MYZAP: variants seen among roughly 807,000 people sequenced by gnomAD.
The protein encoded by MYZAP is myocardial zonula adherens protein.
MYZAP carries 66 observed loss-of-function variants against 69.4 expected under a neutral mutation model. The ratio of observed to expected loss-of-function variants is 0.95; its 90% confidence interval spans 0.78 to 1.17. The LOEUF (loss-of-function observed/expected upper bound fraction) is 1.17. Ranked by LOEUF, MYZAP falls within the 50% of genes most tolerant of loss-of-function variation. The pLI, the probability that MYZAP is intolerant of heterozygous loss-of-function variation, is 0.00. For synonymous variants in MYZAP, 256 were observed against 205.9 expected, an observed-to-expected ratio of 1.24 and a Z score of -2.09; for missense variants, 611 against 556.2, an observed-to-expected ratio of 1.10 and a Z score of -0.99.
intron 2 of MYZAP, among the ~76,000 whole-genome samples, chr15:57,607,556 C>A (rs2034832970): frequency 6.6e-6 from 1 of 152,286 alleles, no homozygotes; most frequent in African/African-American, 2.4e-5. Flanking sequence ...CTCCCTTTAC[C>A]CCTCAGCCCC....
intron 1 of MYZAP, among the ~76,000 whole-genome samples, chr15:57,593,010 A>C (rs909539077): frequency 1.3e-5 from 2 of 152,148 alleles, no homozygotes; most frequent in Admixed American, 6.5e-5. Flanking sequence ...GTCTGCGTGC[A>C]GGCTTGGACC....
At position 57,604,294 on chromosome 15, in the gene MYZAP, C is replaced by T. The variant is rs140163703; in HGVS notation, c.101C>T (p.Thr34Ile). The change falls in exon 2 of 13, where the codon ACC becomes ATC. Residue 34 changes from threonine to isoleucine, a missense_variant. Transcript: ENST00000267853. ...GCAAATGTTTGCAGACTACGGCTGACCGTACCTCCTGAGAGTCCAGTTCCT... is the reference window on the plus strand; with the variant it reads ...GCAAATGTTTGCAGACTACGGCTGATCGTACCTCCTGAGAGTCCAGTTCCT... ...RRANVCRLRL[T>I]VPPESPVPEQ... 6 of 1,614,100 alleles carry T rather than the reference C, an allele frequency of 3.7e-6. No homozygotes were observed. In the African/African-American group the frequency reaches 5.3e-5, roughly 14 times the overall value.
In MYZAP at chr15:57,604,269, G is replaced by A. The variant is rs748398018; in HGVS notation, c.76G>A (p.Ala26Thr). 2 of 1,614,086 alleles carry A rather than the reference G, an allele frequency of 1.2e-6. No individual in the cohort carries two copies. The highest frequency in any genetic ancestry group is 1.1e-5 in the South Asian group (1 of 91,052). Residue 26 changes from alanine to threonine, a missense_variant and splice_region_variant, in exon 2 of 13, where the codon GCA becomes ACA. Physicochemically the swap from Ala to Thr is moderately conservative, Grantham distance 58. Coordinates refer to ENST00000267853, the MANE Select transcript of MYZAP (RefSeq NM_001018100.5). ...ARTPGAPSRR[A>T]NVCRLRLTVP... ...GGCCTCTCCTTTCCCTCTCTTCTAGGCAAATGTTTGCAGACTACGGCTGAC... is the reference window on the plus strand; with the variant it reads ...GGCCTCTCCTTTCCCTCTCTTCTAGACAAATGTTTGCAGACTACGGCTGAC...
At chr15:57,640,158 T>C (rs1418001761) in intron 10 of MYZAP, among the ~76,000 whole-genome samples, 1 of 152,212 alleles carries the variant, frequency 6.6e-6, no homozygotes, top group East Asian at 1.9e-4. Flanking sequence ...CTCTTTTTTC[T>C]AAATGAGAAA....
At chr15:57,653,077 G>A (rs1428177147) in intron 10 of MYZAP, among the ~76,000 whole-genome samples, 1 of 152,080 alleles carries the variant, frequency 6.6e-6, no homozygotes, top group African/African-American at 2.4e-5. Context: ...GAGGGCCCAC[G>A]AGAAGGAATA....
chr15:57,635,036 C>T (rs2036734327), intron 8 of MYZAP, among the ~76,000 whole-genome samples: 1 of 152,120 alleles, frequency 6.6e-6, no homozygotes, highest in Admixed American at 6.5e-5. Context: ...GCAAGGTGAG[C>T]CGGCAGCATA....
chr15:57,645,995 C>T (rs2037425448), intron 10 of MYZAP: 15 of 374,602 alleles, frequency 4.0e-5, no homozygotes, highest in South Asian at 2.8e-4. Flanking sequence ...GTGCAACACA[C>T]GAAAGTACAT....
At chr15:57,646,091 A>T (rs1263697962) in intron 10 of MYZAP, 10 of 1,210,032 alleles carry the variant, frequency 8.3e-6, no homozygotes, top group Admixed American at 4.6e-5. Flanking sequence ...AAGGAGCCAT[A>T]GCACCAAGCC....
At chr15:57,668,168 C>T (rs2038684045) in intron 11 of MYZAP, among the ~76,000 whole-genome samples, 1 of 152,148 alleles carries the variant, frequency 6.6e-6, no homozygotes, top group African/African-American at 2.4e-5. Flanking sequence ...GAATATATCG[C>T]AGTTTATTCA....
intron 12 of MYZAP, among the ~76,000 whole-genome samples, chr15:57,676,769 C>G (rs903067152): frequency 2.0e-5 from 3 of 152,074 alleles, no homozygotes; most frequent in Non-Finnish European, 4.4e-5. Flanking sequence ...CAAGTATAGC[C>G]TGAAGCAAAC....
intron 11 of MYZAP, among the ~76,000 whole-genome samples, chr15:57,667,568 T>A (rs1171369149): frequency 6.6e-6 from 1 of 152,196 alleles, no homozygotes; most frequent in African/African-American, 2.4e-5. Flanking sequence ...ACTGTAGTCA[T>A]ATTCTGCAAG....
rs74016374 is a variant in MYZAP, at chr15:57,643,741, G to T, written c.1119+4196G>T. Among the ~76,000 whole-genome samples, 899 of 136,132 alleles carry T rather than the reference G, an allele frequency of 6.6e-3. 1 individual carries two copies. Among genetic ancestry groups the T allele is most frequent in the African/African-American group, 0.013 (489 of 37,720 alleles). The allele number at this position is 136,132 out of a possible 152,430, so 89.3% of individuals were successfully genotyped here. ...TAATTTCTTAAGAGGTTTTTTTTTT[G>T]TTTTTTTTTTTTTTAAGCTATATCC... On this transcript the variant is annotated intron_variant, in intron 10 of 12. Coordinates refer to ENST00000267853, the MANE Select transcript of MYZAP (RefSeq NM_001018100.5).
At chr15:57,644,579 C>T (rs1421613129) in intron 10 of MYZAP, among the ~76,000 whole-genome samples, 5 of 152,028 alleles carry the variant, frequency 3.3e-5, no homozygotes, top group Non-Finnish European at 7.4e-5. Flanking sequence ...CCAAGTAGAT[C>T]GACTATAGGC....
intron 4 of MYZAP, among the ~76,000 whole-genome samples, chr15:57,624,061 T>C (rs1304221366): frequency 5.3e-5 from 8 of 152,208 alleles, no homozygotes; most frequent in African/African-American, 1.9e-4. Context: ...TAATTTTTTA[T>C]AAAAATATAA....
At chr15:57,604,482 C>T in intron 2 of MYZAP, 127 bp downstream of exon 2, 1 of 942,962 alleles carries the variant, frequency 1.1e-6, no homozygotes, top group Non-Finnish European at 1.6e-6. Flanking sequence ...AGAAGGCCCT[C>T]TCAACCTTCC....
chr15:57,674,180 G>C (rs1190913755), intron 11 of MYZAP, among the ~76,000 whole-genome samples: 1 of 151,988 alleles, frequency 6.6e-6, no homozygotes. Flanking sequence ...TCAGGCACCA[G>C]CACTTCGTCT....
intron 11 of MYZAP, among the ~76,000 whole-genome samples, chr15:57,661,758 T>C (rs2038321070): frequency 6.6e-6 from 1 of 152,184 alleles, no homozygotes; most frequent in African/African-American, 2.4e-5. Flanking sequence ...TTGGCTCTAG[T>C]TTTTCTTATT....
chr15:57,611,427 C>T (rs2035096879), intron 2 of MYZAP, among the ~76,000 whole-genome samples: 1 of 152,174 alleles, frequency 6.6e-6, no homozygotes, highest in African/African-American at 2.4e-5. Context: ...AAAGCAGTTC[C>T]TGATTTTTTT....
chr15:57,630,502 G>A (rs544952381), intron 6 of MYZAP, among the ~76,000 whole-genome samples: 1 of 152,260 alleles, frequency 6.6e-6, no homozygotes, highest in African/African-American at 2.4e-5. Context: ...GAGCTGAGGG[G>A]CACACAAATA....
Sources: allele counts gnomAD v4.1 joint callset (sites outside exome capture counted in the v4.1 genomes callset), GRCh38; gene constraint gnomAD v4.1.1; transcripts MANE v1.5; gene names NCBI Gene and HGNC (gene_info 2026-07-23, HGNC 2026-07-21).